Variants in MBNL1 observed in about 807,000 individuals in gnomAD.
MBNL1 encodes the protein muscleblind like splicing regulator 1.
In MBNL1, 8 loss-of-function variants were observed where a neutral mutation model predicts 42.2. The ratio of observed to expected loss-of-function variants is 0.19; its 90% CI spans 0.11 to 0.34. The LOEUF (loss-of-function observed/expected upper bound fraction) is 0.34, where lower values mean the gene tolerates loss of function less well. Among genes scored for constraint, MBNL1 ranks in the 10% least tolerant of loss-of-function variants. The pLI is 1.00. For synonymous variants in MBNL1, 169 were observed against 173.9 expected, an observed-to-expected ratio of 0.97 and a Z score of 0.22; for missense variants, 309 against 495.3, an observed-to-expected ratio of 0.62 and a Z score of 3.57.
chr3:152,301,081 A>AT (rs199591203), intron 2 of MBNL1: 46 of 189,944 alleles, frequency 2.4e-4, no homozygotes, highest in East Asian at 1.1e-3. Flanking sequence ...TTAGATCATG[A>AT]TTTTTTTTTA....
rs1423975828 is a variant in MBNL1, at chr3:152,377,022, CTTG to C, written c.175-37913_175-37911del. Among the ~76,000 whole-genome samples, 9 of 152,098 alleles carry C rather than the reference CTTG, an allele frequency of 5.9e-5. No homozygotes were observed. In the South Asian group the frequency reaches 1.2e-3, roughly 21 times the overall value. ...TTGTGGCTAGTGATTTACATGCGAACTTGTTGTTTTAAAACAAAGCCCCAAAAC... is the reference window on the plus strand; with the variant it reads ...TTGTGGCTAGTGATTTACATGCGAACTTGTTTTAAAACAAAGCCCCAAAAC... On this transcript the variant is annotated intron_variant, in intron 2 of 9. Coordinates refer to ENST00000324210, the MANE Select transcript of MBNL1 (RefSeq NM_021038.5).
chr3:152,458,953 G>C (rs1278194787), intron 8 of MBNL1: 1 of 200,744 alleles, frequency 5.0e-6, no homozygotes, highest in African/African-American at 2.3e-5. Context: ...AACCACGGGG[G>C]TGCGTGTGTG....
intron 2 of MBNL1, among the ~76,000 whole-genome samples, chr3:152,379,733 G>A (rs1261995878): frequency 6.6e-6 from 1 of 151,958 alleles, no homozygotes; most frequent in African/African-American, 2.4e-5. Context: ...GTTTTGTTTT[G>A]TTTTTGAGAA....
chr3:152,461,181 C>T (rs1745124117), intron 9 of MBNL1, among the ~76,000 whole-genome samples: 1 of 152,138 alleles, frequency 6.6e-6, no homozygotes, highest in South Asian at 2.1e-4. Context: ...AAAGTCAAAG[C>T]CCATGCAGGA....
intron 2 of MBNL1, chr3:152,341,014 A>G: frequency 7.8e-7 from 1 of 1,289,452 alleles, no homozygotes; most frequent in Middle Eastern, 2.8e-4. Context: ...TACGATGCTT[A>G]TTTTTTAAAA....
chr3:152,246,561 G>A (rs955925736), intron 2 of MBNL1, among the ~76,000 whole-genome samples: 11 of 151,214 alleles, frequency 7.3e-5, no homozygotes, highest in Admixed American at 6.6e-5. Flanking sequence ...TAATATTATT[G>A]TTTATTCATC....
chr3:152,395,084 C>T (rs2097870877), intron 2 of MBNL1, among the ~76,000 whole-genome samples: 2 of 152,126 alleles, frequency 1.3e-5, no homozygotes, highest in Non-Finnish European at 2.9e-5. Context: ...TGGTCTTGAT[C>T]CCCTGACCTC....
At chr3:152,438,310 G>C (rs1003500021) in intron 4 of MBNL1, among the ~76,000 whole-genome samples, 4 of 152,166 alleles carry the variant, frequency 2.6e-5, no homozygotes, top group African/African-American at 9.7e-5. Flanking sequence ...CATGAGAATA[G>C]TGCCCAAACT....
chr3:152,344,869 A>G (rs562451521), intron 2 of MBNL1, among the ~76,000 whole-genome samples: 1 of 152,212 alleles, frequency 6.6e-6, no homozygotes, highest in African/African-American at 2.4e-5. Flanking sequence ...TGTATACACA[A>G]ATGTCCATAC....
chr3:152,436,223 A>G (rs541259411), intron 4 of MBNL1, among the ~76,000 whole-genome samples: 29 of 152,334 alleles, frequency 1.9e-4, no homozygotes, highest in Admixed American at 1.8e-3. Context: ...AGATTTTAGC[A>G]TATTGACAAT....
At chr3:152,340,851 A>G (rs1315485616) in intron 2 of MBNL1, 1 of 1,613,906 alleles carries the variant, frequency 6.2e-7, no homozygotes, top group Non-Finnish European at 8.5e-7. Flanking sequence ...CCAGTGCTGC[A>G]TAGACAAAGC....
At chr3:152,325,870 A>G (rs1407841612) in intron 2 of MBNL1, among the ~76,000 whole-genome samples, 2 of 151,604 alleles carry the variant, frequency 1.3e-5, no homozygotes, top group Admixed American at 6.6e-5. Context: ...TTAAATGTAC[A>G]TAATATTAGA....
Position 152,445,257 on chromosome 3 carries a change from C to A in MBNL1, c.550-25C>A, listed in dbSNP as rs1159359180. The A allele has an allele frequency of 2.5e-6, 4 of 1,596,640 alleles. No homozygotes were observed. In the African/African-American group the frequency reaches 4.0e-5, roughly 16 times the overall value. ...CTTCTTCTTCTTCATGTTGACTAAACCTCATGTACTTAATGACCTCATAGG... is the reference window on the plus strand; with the variant it reads ...CTTCTTCTTCTTCATGTTGACTAAAACTCATGTACTTAATGACCTCATAGG... On this transcript the variant is annotated intron_variant, in intron 4 of 9. Transcript: ENST00000324210.
intron 3 of MBNL1, among the ~76,000 whole-genome samples, chr3:152,427,001 G>A (rs922991797): frequency 6.6e-6 from 1 of 152,048 alleles, no homozygotes; most frequent in African/African-American, 2.4e-5. Flanking sequence ...ATAGTTTTTT[G>A]GTTCTTTACT....
At chr3:152,403,712 T>G (rs1212209809) in intron 2 of MBNL1, among the ~76,000 whole-genome samples, 1 of 152,040 alleles carries the variant, frequency 6.6e-6, no homozygotes, top group East Asian at 1.9e-4. Flanking sequence ...TGATACTGCT[T>G]TTTTTTGCCT....
intron 2 of MBNL1, among the ~76,000 whole-genome samples, chr3:152,368,526 T>C (rs2096528317): frequency 6.6e-6 from 1 of 152,168 alleles, no homozygotes; most frequent in Non-Finnish European, 1.5e-5. Context: ...AAATTTAAAG[T>C]ACTTTTTTTC....
At chr3:152,300,616 A>G (rs2060336562) in intron 2 of MBNL1, among the ~76,000 whole-genome samples, 1 of 152,044 alleles carries the variant, frequency 6.6e-6, no homozygotes, top group Non-Finnish European at 1.5e-5. Flanking sequence ...GTGTTGACAT[A>G]TTTTTCACTT....
chr3:152,329,688 T>G (rs892259230), intron 2 of MBNL1, among the ~76,000 whole-genome samples: 3 of 143,804 alleles, frequency 2.1e-5, no homozygotes, highest in African/African-American at 5.1e-5. Context: ...TATATATATC[T>G]TATATATTAT....
chr3:152,340,804 C>A (rs1248743174), intron 2 of MBNL1: 2 of 1,613,886 alleles, frequency 1.2e-6, no homozygotes, highest in East Asian at 4.5e-5. Context: ...CTGGACAGAA[C>A]CTACTTTTGC....
Sources: allele counts gnomAD v4.1 joint callset (sites outside exome capture counted in the v4.1 genomes callset), GRCh38; gene constraint gnomAD v4.1.1; transcripts MANE v1.5; gene names NCBI Gene and HGNC (gene_info 2026-07-23, HGNC 2026-07-21).